Variants in KALRN observed in about 807,000 individuals in gnomAD.
The protein encoded by KALRN is kalirin RhoGEF kinase.
KALRN carries 70 observed loss-of-function variants against 353.7 expected under a neutral mutation model. The ratio of observed to expected loss-of-function variants is 0.20; its 90% confidence interval spans 0.16 to 0.24. KALRN has a LOEUF of 0.24. KALRN is among the 10% of genes least tolerant of loss of function. The pLI is 1.00. For missense variants in KALRN, 2,791 were observed against 3,756.7 expected, an observed-to-expected ratio of 0.74 and a Z score of 6.72; for synonymous variants, 1,391 against 1,434.8, an observed-to-expected ratio of 0.97 and a Z score of 0.69.
chr3:124,281,527 A>C (rs1003806221), intron 5 of KALRN, among the ~76,000 whole-genome samples: 1 of 152,112 alleles, frequency 6.6e-6, no homozygotes, highest in African/African-American at 2.4e-5. Context: ...GCCTTTGTTC[A>C]TGCCAACACT....
intron 49 of KALRN, among the ~76,000 whole-genome samples, chr3:124,676,174 C>T (rs757722611): frequency 6.6e-5 from 10 of 152,154 alleles, no homozygotes; most frequent in Non-Finnish European, 1.3e-4. Context: ...GTTCTGTTGG[C>T]CACTTATCCA....
At chr3:124,398,340 C>T (rs566678767) in intron 12 of KALRN, among the ~76,000 whole-genome samples, 2 of 152,266 alleles carry the variant, frequency 1.3e-5, no homozygotes, top group African/African-American at 4.8e-5. Context: ...TGGAACTATA[C>T]ATATTAGACT....
chr3:124,560,587 C>G (rs777992667), intron 33 of KALRN, among the ~76,000 whole-genome samples: 1 of 152,216 alleles, frequency 6.6e-6, no homozygotes, highest in Non-Finnish European at 1.5e-5. Context: ...GTATTTCTTA[C>G]AGAGCACTTT....
At chr3:124,223,224 A>G (rs1458332923) in intron 1 of KALRN, among the ~76,000 whole-genome samples, 2 of 152,068 alleles carry the variant, frequency 1.3e-5, no homozygotes, top group African/African-American at 4.8e-5. Context: ...GGCCTGGCCC[A>G]TAGTAAGTGG....
At chr3:124,182,482 A>G (rs1383090842) in intron 1 of KALRN, among the ~76,000 whole-genome samples, 1 of 152,232 alleles carries the variant, frequency 6.6e-6, no homozygotes, top group Non-Finnish European at 1.5e-5. Flanking sequence ...CCTCTCCAAC[A>G]TGGTAGCTTG....
intron 21 of KALRN, 178 bp from the exon 22 acceptor site, chr3:124,454,999 C>A (rs1316293971): frequency 9.8e-6 from 6 of 612,022 alleles, no homozygotes; most frequent in Non-Finnish European, 1.7e-5. Flanking sequence ...AATGGAGGCA[C>A]AGAGGGTTTC....
chr3:124,364,751 C>G (rs1240069924), intron 10 of KALRN, among the ~76,000 whole-genome samples: 1 of 152,214 alleles, frequency 6.6e-6, no homozygotes, highest in Non-Finnish European at 1.5e-5. Context: ...GCTTTCCACA[C>G]CAGACAGCCA....
chr3:124,219,104 A>C (rs1411160868), intron 1 of KALRN, among the ~76,000 whole-genome samples: 1 of 152,238 alleles, frequency 6.6e-6, no homozygotes, highest in Non-Finnish European at 1.5e-5. Flanking sequence ...TTTACGTAGA[A>C]GGTGTCATGA....
intron 3 of KALRN, among the ~76,000 whole-genome samples, chr3:124,248,186 G>A (rs1229556341): frequency 6.6e-6 from 1 of 152,218 alleles, no homozygotes; most frequent in Non-Finnish European, 1.5e-5. Flanking sequence ...AGGGTGTGGA[G>A]CACCACCTTG....
intron 33 of KALRN, among the ~76,000 whole-genome samples, chr3:124,507,897 C>T: frequency 6.6e-6 from 1 of 152,196 alleles, no homozygotes; most frequent in Middle Eastern, 3.2e-3. Context: ...AAGACTTTTA[C>T]ATCAGAAGTG....
At chr3:124,664,371 G>GCGCGCGCGCGCGTGCA (rs1553719838) in intron 45 of KALRN, among the ~76,000 whole-genome samples, 4 of 77,044 alleles carry the variant, frequency 5.2e-5, no homozygotes, top group African/African-American at 4.2e-4. Context: ...GTGTGTGTGT[G>GCGCGCGCGCGCGTGCA]CGCGCGCGCG....
chr3:124,490,711 G>A lies in KALRN; in HGVS notation c.4414G>A (p.Asp1472Asn). Reference sequence around the variant, plus strand: ...TTTTTCAGGGTTCGACGAGAACCTGGATGTGCAGGGGGAGTTGATTCTCCA... The same window carrying A: ...TTTTTCAGGGTTCGACGAGAACCTGAATGTGCAGGGGGAGTTGATTCTCCA... ...SMLEGFDENL[D>N]VQGELILQDA... Residue 1472 changes from aspartate (D) to asparagine (N), a missense_variant, in exon 30 of 60, where the codon GAT becomes AAT. Coordinates refer to ENST00000682506, the MANE Select transcript of KALRN (RefSeq NM_001388419.1). 4.3e-6 allele frequency: 7 copies of A among 1,613,128 alleles called. No homozygotes were observed. Among genetic ancestry groups the A allele is most frequent in the Non-Finnish European group, 5.9e-6 (7 of 1,179,752 alleles).
At chr3:124,479,917 G>T (rs935874993) in intron 27 of KALRN, among the ~76,000 whole-genome samples, 1 of 151,954 alleles carries the variant, frequency 6.6e-6, no homozygotes, top group Non-Finnish European at 1.5e-5. Context: ...TAGAGACAGG[G>T]TTTCACCGTG....
chr3:124,446,178 C>T lies in KALRN; in HGVS notation c.3331C>T (p.Leu1111=). ...GCCCACAGCCATCCTGAGTGAGCTCCTGCAGAGGGAGAATCGCGTGCTGCA... is the reference window on the plus strand; with the variant it reads ...GCCCACAGCCATCCTGAGTGAGCTCTTGCAGAGGGAGAATCGCGTGCTGCA... ...QQVKAILSEL[L]QRENRVLHFW... is the part of the protein sequence containing the mutation. The change falls in exon 20 of 60, where the codon CTG becomes TTG. Residue 1111 remains leucine, a synonymous_variant. Transcript: ENST00000682506. 6.2e-7 allele frequency: 1 copy of T among 1,613,838 alleles called. No homozygotes were observed. Among genetic ancestry groups the T allele is most frequent in the Non-Finnish European group, 8.5e-7 (1 of 1,179,706 alleles).
intron 33 of KALRN, among the ~76,000 whole-genome samples, chr3:124,497,391 A>T (rs2063976510): frequency 6.6e-6 from 1 of 152,096 alleles, no homozygotes; most frequent in Non-Finnish European, 1.5e-5. Flanking sequence ...TAGTTTTCTA[A>T]GTTATAGGTA....
chr3:124,684,327 G>A (rs1411304472), intron 51 of KALRN, among the ~76,000 whole-genome samples: 4 of 152,162 alleles, frequency 2.6e-5, no homozygotes, highest in Non-Finnish European at 5.9e-5. Context: ...CCTGGCAGAC[G>A]AGAAGACCTA....
At chr3:124,302,898 G>C (rs2077378908) in intron 6 of KALRN, among the ~76,000 whole-genome samples, 1 of 152,112 alleles carries the variant, frequency 6.6e-6, no homozygotes, top group Non-Finnish European at 1.5e-5. Flanking sequence ...ATACCACTCA[G>C]ACTGGATTAG....
chr3:124,655,607 C>T lies in KALRN; in HGVS notation c.5802C>T (p.Val1934=). 1 of 1,613,470 alleles carries T rather than the reference C, an allele frequency of 6.2e-7. No individual in the cohort carries two copies. Among genetic ancestry groups the T allele is most frequent in the Non-Finnish European group, 8.5e-7 (1 of 1,179,442 alleles). ...KAKALRGRMF[V]LNELVQTEKD... Reference sequence around the variant, plus strand: ...TTCTTAATCTCCTGCTCAGGTTTGTCCTGAATGAGCTGGTACAGACAGAGA... The same window carrying T: ...TTCTTAATCTCCTGCTCAGGTTTGTTCTGAATGAGCTGGTACAGACAGAGA... Residue 1934 remains valine (V), a synonymous_variant, in exon 39 of 60, where the codon GTC becomes GTT. Coordinates refer to ENST00000682506, the MANE Select transcript of KALRN (RefSeq NM_001388419.1).
At chr3:124,633,070 T>C (rs990539091) in intron 35 of KALRN, among the ~76,000 whole-genome samples, 4 of 152,226 alleles carry the variant, frequency 2.6e-5, no homozygotes, top group African/African-American at 9.6e-5. Context: ...AACAGGACTG[T>C]GCTGGGAGAT....
Sources: gnomAD v4.1 joint callset for allele counts (sites outside exome capture counted in the v4.1 genomes callset) on GRCh38, gnomAD v4.1.1 for gene constraint, MANE v1.5 for transcripts, NCBI Gene and HGNC (gene_info 2026-07-23, HGNC 2026-07-21) for gene names.